CCDC81: variants seen among roughly 807,000 people sequenced by gnomAD.
The protein encoded by CCDC81 is coiled-coil domain-containing protein 81.
CCDC81 carries 79 observed loss-of-function variants against 83.7 expected under a neutral mutation model. The ratio of observed to expected loss-of-function variants is 0.94; its 90% CI spans 0.79 to 1.14. The LOEUF is 1.14. Ranked by LOEUF, CCDC81 falls within the 50% of genes most tolerant of loss-of-function variation. The probability of loss-of-function intolerance (pLI) is 0.00; values close to 1 mark genes in which losing one functional copy is unlikely to be tolerated. For synonymous variants in CCDC81, 252 were observed against 278.1 expected, an observed-to-expected ratio of 0.91 and a Z score of 0.93; for missense variants, 791 against 778.1, an observed-to-expected ratio of 1.02 and a Z score of -0.20.
At chr11:86,414,290 A>G (rs892182668) in intron 11 of CCDC81, 8 of 152,570 alleles carry the variant, frequency 5.2e-5, no homozygotes, top group African/African-American at 1.9e-4. Context: ...TGTTCAGCAC[A>G]TTGTTCACTA....
chr11:86,409,579 G>T (rs1418966302), intron 10 of CCDC81, among the ~76,000 whole-genome samples: 1 of 152,122 alleles, frequency 6.6e-6, no homozygotes. Flanking sequence ...AGCCTCCCGA[G>T]TAGCTGGGAT....
At chr11:86,379,746 G>A (rs1202709610) in intron 1 of CCDC81, among the ~76,000 whole-genome samples, 1 of 152,186 alleles carries the variant, frequency 6.6e-6, no homozygotes, top group Non-Finnish European at 1.5e-5. Flanking sequence ...GGATGCCAAG[G>A]TGGGAGAATC....
rs927943653 is a variant in CCDC81 at position 86,421,156 on chromosome 11, T to C, written c.1817+1103T>C. Among the ~76,000 whole-genome samples, 173 of 152,108 alleles carry C rather than the reference T, an allele frequency of 1.1e-3. 11 individuals carry two copies. The highest frequency in any genetic ancestry group is 2.9e-5 in the Non-Finnish European group (2 of 68,014). ...AGCACGCAGCAGTAGCAAGAAGGAA[T>C]TGGTTGGCACAAAAAGAAAATAAAG... On this transcript the variant is annotated intron_variant, in intron 14 of 14. Transcript: ENST00000445632.
intron 4 of CCDC81, among the ~76,000 whole-genome samples, chr11:86,394,889 C>T (rs964664242): frequency 2.6e-5 from 4 of 152,202 alleles, no homozygotes; most frequent in African/African-American, 4.8e-5. Context: ...AACCTAGTGC[C>T]TAAGGCCACA....
chr11:86,396,073 T>C (rs891787455), intron 5 of CCDC81, among the ~76,000 whole-genome samples: 1 of 152,222 alleles, frequency 6.6e-6, no homozygotes, highest in African/African-American at 2.4e-5. Context: ...CTGCTGCTTC[T>C]TCCTTCAGTT....
intron 2 of CCDC81, 66 bp downstream of exon 2, chr11:86,386,178 A>G (rs1018299940): frequency 3.7e-6 from 2 of 536,430 alleles, no homozygotes; most frequent in African/African-American, 2.0e-5. Context: ...AGGCATCTAA[A>G]GGATCCTTCC....
chr11:86,397,535 G>A, intron 5 of CCDC81, 86 bp from the exon 6 acceptor site: 1 of 1,497,048 alleles, frequency 6.7e-7, no homozygotes, highest in African/African-American at 1.4e-5. Flanking sequence ...TCAGCCAGCT[G>A]GCTGGGTTGC....
chr11:86,422,789 G>A lies in CCDC81; in HGVS notation c.*74G>A, dbSNP rs1404567939. On this transcript the variant is annotated 3_prime_UTR_variant, in exon 15 of 15. Transcript: ENST00000445632. ...CATGTTTGGGGGTGATTGTGAAACT[G>A]CGTATTTTTACCTCAGAGAAAAAAA... 7.0e-7 allele frequency: 1 copy of A among 1,424,160 alleles called. No individual in the cohort carries two copies. Among genetic ancestry groups the A allele is most frequent in the Admixed American group, 2.1e-5 (1 of 47,720 alleles). 88.2% of individuals were successfully genotyped at this position (1,424,160 alleles called of 1,614,324 possible). A position where few individuals can be genotyped will look rare whatever the true frequency, so the allele number is the denominator to read the frequency against.
rs1948700195 is a variant in CCDC81, at chr11:86,415,172, T to G, written c.1550T>G (p.Leu517Arg). Residue 517 changes from leucine (L) to arginine (R), a missense_variant, in exon 13 of 15, where the codon CTG becomes CGG. Transcript: ENST00000445632. ...ATCTTTGGTAAGAATGAGGGTGAAC[T>G]GATGGTGGAAAAGCAAAAGCGAGAA... ...EPIFGKNEGE[L>R]MVEKQKREQN... is the part of the protein sequence containing the mutation. The G allele has an allele frequency of 6.2e-7, 1 of 1,614,074 alleles. No homozygotes were observed. Among genetic ancestry groups the G allele is most frequent in the African/African-American group, 1.3e-5 (1 of 74,926 alleles).
chr11:86,402,440 T>C (rs1298699058), intron 7 of CCDC81, among the ~76,000 whole-genome samples: 3 of 152,194 alleles, frequency 2.0e-5, no homozygotes, highest in Non-Finnish European at 4.4e-5. Context: ...CATTAAATAT[T>C]CTAAAACCTT....
intron 1 of CCDC81, among the ~76,000 whole-genome samples, chr11:86,380,271 G>A (rs1283379970): frequency 6.6e-6 from 1 of 152,036 alleles, no homozygotes; most frequent in African/African-American, 2.4e-5. Context: ...ATGTCTTATG[G>A]TACTCTCTTT....
chr11:86,399,099 T>A (rs572661724), intron 6 of CCDC81, among the ~76,000 whole-genome samples: 122 of 152,346 alleles, frequency 8.0e-4, no homozygotes, highest in Middle Eastern at 3.4e-3. Flanking sequence ...CTATTGGCTG[T>A]TAAAAGTTGA....
intron 11 of CCDC81, chr11:86,414,486 T>C (rs1327682342): frequency 9.3e-6 from 2 of 213,978 alleles, no homozygotes; most frequent in East Asian, 1.1e-4. Flanking sequence ...CTTGTATTTT[T>C]AGTAGAGATA....
chr11:86,399,243 T>G (rs1251223550), intron 6 of CCDC81, among the ~76,000 whole-genome samples: 1 of 152,202 alleles, frequency 6.6e-6, no homozygotes, highest in Non-Finnish European at 1.5e-5. Flanking sequence ...TAGCCTAATA[T>G]TCATATGCTT....
intron 13 of CCDC81, among the ~76,000 whole-genome samples, chr11:86,417,885 CTA>C (rs1948742923): frequency 6.6e-6 from 1 of 151,824 alleles, no homozygotes; most frequent in African/African-American, 2.4e-5. Context: ...GTAGCTGGGA[CTA>C]CAGGTGCATG....
intron 6 of CCDC81, 70 bp from the exon 7 acceptor site, chr11:86,400,608 G>GT: frequency 2.1e-6 from 3 of 1,459,312 alleles, no homozygotes; most frequent in Non-Finnish European, 1.9e-6. Context: ...ATTTCCCTTG[G>GT]TAAAAACTAC....
intron 14 of CCDC81, among the ~76,000 whole-genome samples, chr11:86,421,878 C>T (rs1226160857): frequency 6.7e-6 from 1 of 150,166 alleles, no homozygotes; most frequent in Non-Finnish European, 1.5e-5. Flanking sequence ...TGATCGCACA[C>T]TCCAGGCTGG....
In CCDC81 at chr11:86,378,772, A is replaced by C. The variant is rs766805936; in HGVS notation, c.79+3530A>C. Among the ~76,000 whole-genome samples, 76 of 152,314 alleles carry C rather than the reference A, an allele frequency of 5.0e-4. No homozygotes were observed. In the Middle Eastern group the frequency reaches 0.014, roughly 27 times the overall value. ...TTGATTTGAAGTCTGTTCTAAAATTAATATAGCTACCCCTACTTTCTTTTG... is the reference window on the plus strand; with the variant it reads ...TTGATTTGAAGTCTGTTCTAAAATTCATATAGCTACCCCTACTTTCTTTTG... On this transcript the variant is annotated intron_variant, in intron 1 of 14. Coordinates refer to ENST00000445632, the MANE Select transcript of CCDC81 (RefSeq NM_001156474.2).
chr11:86,403,845 G>C (rs950235487), intron 7 of CCDC81, among the ~76,000 whole-genome samples: 2 of 152,184 alleles, frequency 1.3e-5, no homozygotes, highest in African/African-American at 4.8e-5. Context: ...GGTAATAAGG[G>C]TATGAAACAA....
Sources: allele counts gnomAD v4.1 joint callset (sites outside exome capture counted in the v4.1 genomes callset), GRCh38; gene constraint gnomAD v4.1.1; transcripts MANE v1.5; gene names NCBI Gene and HGNC (gene_info 2026-07-23, HGNC 2026-07-21).